CNTN5: variants seen among roughly 807,000 people sequenced by gnomAD.
The protein encoded by CNTN5 is contactin 5.
A neutral mutation model predicts 129.1 loss-of-function variants in CNTN5; 77 were observed. The observed-to-expected ratio is 0.60, with a 90% CI of 0.50 to 0.72. CNTN5 has a LOEUF of 0.72. Ranked by LOEUF, CNTN5 falls within the 30% of genes least tolerant of loss-of-function variation. CNTN5 has a pLI of 0.00. For synonymous variants in CNTN5, 509 were observed against 465.6 expected, an observed-to-expected ratio of 1.09 and a Z score of -1.20; for missense variants, 1,478 against 1,328.8, an observed-to-expected ratio of 1.11 and a Z score of -1.75.
chr11:99,753,914 C>T (rs1020811729), intron 3 of CNTN5, among the ~76,000 whole-genome samples: 5 of 150,420 alleles, frequency 3.3e-5, no homozygotes, highest in African/African-American at 1.2e-4. Context: ...TCTTGAACTC[C>T]TAAGCTCAAG....
intron 2 of CNTN5, among the ~76,000 whole-genome samples, chr11:99,374,215 A>G (rs1331429606): frequency 6.6e-6 from 1 of 152,186 alleles, no homozygotes; most frequent in African/African-American, 2.4e-5. Context: ...AATGTCTGCT[A>G]TTTTCAGCAC....
At chr11:99,985,875 C>G (rs1938641584) in intron 8 of CNTN5, among the ~76,000 whole-genome samples, 2 of 152,150 alleles carry the variant, frequency 1.3e-5, no homozygotes, top group African/African-American at 4.8e-5. Context: ...ATTATGACTT[C>G]TCAGTTTCTT....
rs560953906 is a variant in CNTN5, at chr11:100,302,448, T to G, written c.2620+3052T>G. On this transcript the variant is annotated intron_variant, in intron 20 of 24. Transcript: ENST00000524871. ...TCTTCCATTAACCCAATCCACTTGT[T>G]TATCACCTTGAAATTCCTCCACATT... Among the ~76,000 whole-genome samples the G allele has an allele frequency of 2.0e-5, 3 of 151,690 alleles. No individual in the cohort carries two copies. The East Asian group carries it at 5.8e-4, about 30-fold the overall frequency.
At chr11:99,855,977 C>T (rs561342107) in intron 6 of CNTN5, among the ~76,000 whole-genome samples, 25 of 152,184 alleles carry the variant, frequency 1.6e-4, no homozygotes, top group Middle Eastern at 3.4e-3. Context: ...TCTCTAACAT[C>T]CAGTGAAAAA....
intron 6 of CNTN5, among the ~76,000 whole-genome samples, chr11:99,900,285 A>G (rs1218282706): frequency 6.7e-6 from 1 of 150,184 alleles, no homozygotes; most frequent in Non-Finnish European, 1.5e-5. Context: ...GTTCTTTGAG[A>G]TGCACCACTA....
intron 2 of CNTN5, among the ~76,000 whole-genome samples, chr11:99,494,768 C>T (rs992277438): frequency 3.3e-5 from 5 of 152,032 alleles, no homozygotes; most frequent in African/African-American, 9.7e-5. Context: ...GTAAAGGTGT[C>T]GTTTGATTTT....
At chr11:99,805,280 C>A (rs542232160) in intron 3 of CNTN5, among the ~76,000 whole-genome samples, 1 of 152,202 alleles carries the variant, frequency 6.6e-6, no homozygotes, top group African/African-American at 2.4e-5. Flanking sequence ...GAACTTGGAA[C>A]TTCTGGAGGT....
Position 99,562,874 on chromosome 11 carries a change from A to G in CNTN5, c.55+6605A>G, listed in dbSNP as rs557532850. On this transcript the variant is annotated intron_variant, in intron 3 of 24. Transcript: ENST00000524871. ...TGTACATGTTGAGCTTTAGATGTCT[A>G]CAATACCCTTAGGTGAAAAATATCT... Among the ~76,000 whole-genome samples the G allele has an allele frequency of 2.7e-3, 417 of 152,298 alleles. 1 individual carries two copies. The highest frequency in any genetic ancestry group is 4.4e-3 in the Non-Finnish European group (301 of 68,014).
At chr11:100,228,507 A>G (rs369097569) in intron 16 of CNTN5, among the ~76,000 whole-genome samples, 2 of 152,184 alleles carry the variant, frequency 1.3e-5, no homozygotes, top group African/African-American at 4.8e-5. Context: ...ATTATTTCCA[A>G]TAATTATTTA....
At chr11:99,361,987 T>A (rs1444618009) in intron 2 of CNTN5, among the ~76,000 whole-genome samples, 1 of 152,154 alleles carries the variant, frequency 6.6e-6, no homozygotes, top group Non-Finnish European at 1.5e-5. Context: ...CTGCTTTTAA[T>A]GAATTGCTGG....
chr11:100,201,151 C>T (rs537414518), intron 15 of CNTN5, among the ~76,000 whole-genome samples: 1 of 151,964 alleles, frequency 6.6e-6, no homozygotes, highest in Admixed American at 6.6e-5. Context: ...TTTATTAAAC[C>T]AAATTCTCAC....
At chr11:100,105,146 G>A (rs530506590) in intron 13 of CNTN5, among the ~76,000 whole-genome samples, 8 of 152,284 alleles carry the variant, frequency 5.3e-5, no homozygotes, top group South Asian at 2.1e-4. Context: ...TATTCAAAGC[G>A]ATTACTTGAA....
chr11:99,211,708 A>G (rs1241804649), intron 1 of CNTN5, among the ~76,000 whole-genome samples: 7 of 151,900 alleles, frequency 4.6e-5, no homozygotes, highest in Middle Eastern at 3.4e-3. Flanking sequence ...TCATGTTTTT[A>G]TGCTATCGTA....
At chr11:99,748,104 G>A (rs1944115450) in intron 3 of CNTN5, among the ~76,000 whole-genome samples, 1 of 152,030 alleles carries the variant, frequency 6.6e-6, no homozygotes, top group Non-Finnish European at 1.5e-5. Flanking sequence ...CTGCTGAATT[G>A]AGTTTGCTAG....
chr11:99,670,277 T>C (rs148078527), intron 3 of CNTN5, among the ~76,000 whole-genome samples: 7,090 of 152,252 alleles, frequency 0.047, 194 homozygotes, highest in South Asian at 0.095. Context: ...AACTGAGTGA[T>C]GACTGCAGGT....
chr11:99,814,731 T>C (rs537641244), intron 3 of CNTN5, among the ~76,000 whole-genome samples: 1 of 151,836 alleles, frequency 6.6e-6, no homozygotes, highest in African/African-American at 2.4e-5. Flanking sequence ...GATCAGTAGA[T>C]TGTAGGTCTT....
At chr11:99,414,289 G>GT (rs1942537904) in intron 2 of CNTN5, among the ~76,000 whole-genome samples, 2 of 152,032 alleles carry the variant, frequency 1.3e-5, no homozygotes, top group South Asian at 4.1e-4. Flanking sequence ...ATTCTAGAAA[G>GT]TTTTGAGCTG....
At chr11:100,044,941 C>G (rs1247214789) in intron 9 of CNTN5, among the ~76,000 whole-genome samples, 1 of 152,024 alleles carries the variant, frequency 6.6e-6, no homozygotes, top group Non-Finnish European at 1.5e-5. Context: ...TAATCTCTCG[C>G]ATTACTGAAA....
At chr11:99,079,488 A>G (rs1465977083) in intron 1 of CNTN5, among the ~76,000 whole-genome samples, 1 of 152,222 alleles carries the variant, frequency 6.6e-6, no homozygotes, top group Non-Finnish European at 1.5e-5. Flanking sequence ...ATTCAAGTGA[A>G]TCTATGGGGC....
Sources: allele counts gnomAD v4.1 joint callset (sites outside exome capture counted in the v4.1 genomes callset), GRCh38; gene constraint gnomAD v4.1.1; transcripts MANE v1.5; gene names NCBI Gene and HGNC (gene_info 2026-07-23, HGNC 2026-07-21).